The following BCOR variants were observed in gnomAD, a reference collection of about 807,000 sequenced individuals.
BCOR encodes the protein BCL-6 corepressor.
Under a neutral mutation model 86.7 loss-of-function variants are expected in BCOR, and 10 were observed. The observed-to-expected ratio is 0.12, with a 90% CI of 0.07 to 0.20. BCOR has a LOEUF of 0.20. Among genes scored for constraint, BCOR ranks in the 10% least tolerant of loss-of-function variants. The probability of loss-of-function intolerance (pLI) is 1.00; values close to 1 mark genes in which losing one functional copy is unlikely to be tolerated. For missense variants in BCOR, 1,259 were observed against 1,452.1 expected, an observed-to-expected ratio of 0.87 and a Z score of 2.16; for synonymous variants, 611 against 609.0, an observed-to-expected ratio of 1.00 and a Z score of -0.05.
At position 40,110,660 on chromosome X, in the gene BCOR, C is replaced by CCTTTTT. The variant is rs1937287102; in HGVS notation, c.-40-32697_-40-32692dup. 5.9e-3 allele frequency among the ~76,000 whole-genome samples: 182 copies of CCTTTTT among 30,987 alleles called. 2 individuals carry two copies. The highest frequency in any genetic ancestry group is 0.012 in the Non-Finnish European group (145 of 12,325). The allele number at this position is 30,987 out of a possible 115,157, so 26.9% of individuals were successfully genotyped here. A position where few individuals can be genotyped will look rare whatever the true frequency, so the allele number is the denominator to read the frequency against. ...TTTTCTTTTCTTTTTTTTCTTTTTT[C>CCTTTTT]CTTTTTCTTTTTTTTTTTTTTTTTT... On this transcript the variant is annotated intron_variant, in intron 1 of 14. Transcript: ENST00000342274.
chrX:40,090,339 CCCCTGGCTGCAGGCCAG>C (rs1453768409), intron 1 of BCOR, among the ~76,000 whole-genome samples: 9 of 113,548 alleles, frequency 7.9e-5, no homozygotes, highest in Admixed American at 7.3e-4. Context: ...AGGCCGGCCA[CCCCTGGCTGCAGGCCAG>C]CCCTCTGCAA....
chrX:40,132,353 A>G (rs998086394), intron 1 of BCOR, among the ~76,000 whole-genome samples: 1 of 111,721 alleles, frequency 9.0e-6, no homozygotes, highest in African/African-American at 3.3e-5. Context: ...TTTTTGAGAC[A>G]GTATCACTCT....
intron 1 of BCOR, among the ~76,000 whole-genome samples, chrX:40,084,710 C>CCCA (rs896898321): frequency 3.6e-4 from 36 of 98,829 alleles, no homozygotes; most frequent in Non-Finnish European, 5.8e-4. Flanking sequence ...GCCACCCCCC[C>CCCA]CCACCACCAC....
At chrX:40,116,506 A>C (rs1313297485) in intron 1 of BCOR, among the ~76,000 whole-genome samples, 1 of 110,728 alleles carries the variant, frequency 9.0e-6, no homozygotes, top group Non-Finnish European at 1.9e-5. Context: ...CAAAAAAAAA[A>C]AACTGTCCTA....
intron 1 of BCOR, among the ~76,000 whole-genome samples, chrX:40,106,563 C>G (rs1056017826): frequency 2.7e-5 from 3 of 111,312 alleles, no homozygotes; most frequent in Non-Finnish European, 5.7e-5. Context: ...CCGCCCTCCC[C>G]GCGCTCCCGC....
intron 1 of BCOR, among the ~76,000 whole-genome samples, chrX:40,113,064 G>A (rs188137254): frequency 1.1e-3 from 114 of 106,075 alleles, no homozygotes; most frequent in African/African-American, 3.7e-3. Flanking sequence ...ATCCACCTGA[G>A]GCCAGGCCAC....
intron 1 of BCOR, among the ~76,000 whole-genome samples, chrX:40,109,696 G>C (rs1485268186): frequency 8.9e-6 from 1 of 112,883 alleles, no homozygotes; most frequent in Non-Finnish European, 1.9e-5. Context: ...AGCTGCCCGA[G>C]GCCGCCGGGT....
chrX:40,150,011 A>C (rs1297432973), intron 1 of BCOR, among the ~76,000 whole-genome samples: 1 of 112,594 alleles, frequency 8.9e-6, no homozygotes, highest in Non-Finnish European at 1.9e-5. Flanking sequence ...GGGACATCGA[A>C]GCATTCCTGC....
At chrX:40,076,159 G>A (rs1188140542) in intron 3 of BCOR, among the ~76,000 whole-genome samples, 1 of 112,195 alleles carries the variant, frequency 8.9e-6, no homozygotes, top group Non-Finnish European at 1.9e-5. Context: ...GCTACTTGGA[G>A]GCTGGAAATT....
Position 40,110,667 on chromosome X carries a change from C to CTTTTTTTTTTTTTTTTTTTTT in BCOR, c.-40-32719_-40-32699dup, listed in dbSNP as rs546960508. Among the ~76,000 whole-genome samples the CTTTTTTTTTTTTTTTTTTTTT allele has an allele frequency of 2.7e-4, 8 of 29,551 alleles. 3 individuals are homozygous for CTTTTTTTTTTTTTTTTTTTTT. Among genetic ancestry groups the CTTTTTTTTTTTTTTTTTTTTT allele is most frequent in the Non-Finnish European group, 3.4e-4 (5 of 14,555 alleles). 25.7% of individuals were successfully genotyped at this position (29,551 alleles called of 115,157 possible). A position where few individuals can be genotyped will look rare whatever the true frequency, so the allele number is the denominator to read the frequency against. ...TTCTTTTTTTTCTTTTTTCCTTTTT[C>CTTTTTTTTTTTTTTTTTTTTT]TTTTTTTTTTTTTTTTTTTTTTTTT... On this transcript the variant is annotated intron_variant, in intron 1 of 14. Coordinates refer to the BCOR transcript ENST00000342274.
chrX:40,071,206 A>G, intron 5 of BCOR, 47 bp from the exon 6 acceptor site: 1 of 1,120,856 alleles, frequency 8.9e-7, no homozygotes, highest in Non-Finnish European at 1.2e-6. Context: ...ACACCTTACC[A>G]TAAAAGCTAT....
intron 1 of BCOR, among the ~76,000 whole-genome samples, chrX:40,109,818 T>G (rs1055615367): frequency 4.3e-4 from 48 of 112,167 alleles, no homozygotes; most frequent in African/African-American, 1.5e-3. Context: ...GCAAAGTTCC[T>G]GTGGAAACTC....
At chrX:40,051,249 A>C (rs1346357117), downstream of BCOR, 1 of 160,078 alleles carries the variant, frequency 6.2e-6, no homozygotes, top group Non-Finnish European at 1.2e-5. Flanking sequence ...AAGGTACTTC[A>C]ATTTTCTCCT....
chrX:40,121,261 C>T lies in BCOR; in HGVS notation c.-40-43292G>A, dbSNP rs761860605. 7.3e-4 allele frequency among the ~76,000 whole-genome samples: 82 copies of T among 111,666 alleles called. 1 individual carries two copies. Among genetic ancestry groups the T allele is most frequent in the Admixed American group, 3.1e-3 (33 of 10,502 alleles). ...TTTCCAGCCCCTTCCCACATCCAGC[C>T]GTTGCCACCGGGAGCTGGCTTAGAT... On this transcript the variant is annotated intron_variant, in intron 1 of 14. Coordinates refer to the BCOR transcript ENST00000342274.
chrX:40,110,667 C>CTTTTTTTTTTTTTTTTTTTTTTTTT lies in BCOR; in HGVS notation c.-40-32723_-40-32699dup, dbSNP rs546960508. 1.4e-4 allele frequency among the ~76,000 whole-genome samples: 4 copies of CTTTTTTTTTTTTTTTTTTTTTTTTT among 29,546 alleles called. 2 individuals carry two copies. The highest frequency in any genetic ancestry group is 2.7e-4 in the Non-Finnish European group (4 of 14,556). 25.7% of individuals were successfully genotyped at this position (29,546 alleles called of 115,157 possible). A position where few individuals can be genotyped will look rare whatever the true frequency, so the allele number is the denominator to read the frequency against. ...TTCTTTTTTTTCTTTTTTCCTTTTT[C>CTTTTTTTTTTTTTTTTTTTTTTTTT]TTTTTTTTTTTTTTTTTTTTTTTTT... is the stretch of plus-strand genomic sequence containing the variant. On this transcript the variant is annotated intron_variant, in intron 1 of 14. Transcript: ENST00000342274.
chrX:40,168,321 G>C (rs1215820096), intron 1 of BCOR, among the ~76,000 whole-genome samples: 4 of 113,188 alleles, frequency 3.5e-5, no homozygotes, highest in Non-Finnish European at 7.5e-5. Context: ...CTACACGCGC[G>C]GAGAGGACGC....
intron 1 of BCOR, among the ~76,000 whole-genome samples, chrX:40,168,343 G>A (rs1259113607): frequency 1.8e-5 from 2 of 112,923 alleles, no homozygotes; most frequent in African/African-American, 6.4e-5. Context: ...GGGACAGCCG[G>A]GCTTTGTTTT....
intron 1 of BCOR, among the ~76,000 whole-genome samples, chrX:40,142,391 G>A (rs1937939829): frequency 1.8e-5 from 2 of 112,075 alleles, no homozygotes; most frequent in Non-Finnish European, 3.8e-5. Context: ...CTTGTTTGCC[G>A]GCTGTCATTT....
At position 40,139,403 on chromosome X, in the gene BCOR, A is replaced by ATAT. The variant is rs1555935930; in HGVS notation, c.-41+37601_-41+37603dup. 2.2e-4 allele frequency among the ~76,000 whole-genome samples: 4 copies of ATAT among 18,026 alleles called. 1 individual carries two copies. The highest frequency in any genetic ancestry group is 5.1e-3 in the South Asian group (2 of 395). The allele number at this position is 18,026 out of a possible 115,157, so 15.7% of individuals were successfully genotyped here. On this transcript the variant is annotated intron_variant, in intron 1 of 14. Coordinates refer to the BCOR transcript ENST00000342274. ...ATATATAATATATATACATATATAT[A>ATAT]TATATATATATAATATATATACATA...
Sources: gnomAD v4.1 joint callset for allele counts (sites outside exome capture counted in the v4.1 genomes callset) on GRCh38, gnomAD v4.1.1 for gene constraint, MANE v1.5 for transcripts, NCBI Gene and HGNC (gene_info 2026-07-23, HGNC 2026-07-21) for gene names.